PPP2R5A: variants seen among roughly 807,000 people sequenced by gnomAD.
PPP2R5A encodes protein phosphatase 2 regulatory subunit B'alpha, also known as serine/threonine-protein phosphatase 2A 56 kDa regulatory subunit alpha isoform.
Under a neutral mutation model 64.2 loss-of-function variants are expected in PPP2R5A, and 25 were observed. The ratio of observed to expected loss-of-function variants is 0.39; its 90% CI spans 0.28 to 0.54. The LOEUF (loss-of-function observed/expected upper bound fraction) is 0.54, where lower values mean the gene tolerates loss of function less well. PPP2R5A is among the 20% of genes least tolerant of loss of function. PPP2R5A has a pLI of 0.67. For synonymous variants in PPP2R5A, 198 were observed against 201.2 expected (o/e 0.98, Z 0.13); for missense variants, 425 against 576.3 (o/e 0.74, Z 2.69).
At chr1:212,311,298 C>G (rs977291841) in intron 1 of PPP2R5A, among the ~76,000 whole-genome samples, 4 of 152,102 alleles carry the variant, frequency 2.6e-5, no homozygotes, top group African/African-American at 9.7e-5. Context: ...GAAACCCCGT[C>G]TCTACTAAAA....
At position 212,307,799 on chromosome 1, in the gene PPP2R5A, C is replaced by T. The variant is rs190548005; in HGVS notation, c.182-21336C>T. 5.7e-4 allele frequency among the ~76,000 whole-genome samples: 86 copies of T among 152,150 alleles called. 1 individual carries two copies. The South Asian group carries it at 0.012, about 22-fold the overall frequency. On this transcript the variant is annotated intron_variant, in intron 1 of 12. Coordinates refer to ENST00000261461, the MANE Select transcript of PPP2R5A (RefSeq NM_006243.4). ...GTAGAACAGCTAGCAAAAAATTCTT[C>T]GTTTTTATTTATTTGGGAACGTCTT...
In PPP2R5A at chr1:212,286,155, C is replaced by T; in HGVS notation, c.45C>T (p.Ile15=). The part of the protein sequence containing the change: ...SPPAGAASAA[I]SASEKVDGFT... Reference sequence around the variant, plus strand: ...CGGCGGGGGCTGCCAGCGCCGCCATCTCGGCCTCGGAGAAAGTGGACGGCT... The same window carrying T: ...CGGCGGGGGCTGCCAGCGCCGCCATTTCGGCCTCGGAGAAAGTGGACGGCT... The change falls in exon 1 of 13, where the codon ATC becomes ATT. Residue 15 remains isoleucine, a synonymous_variant. Coordinates refer to ENST00000261461, the MANE Select transcript of PPP2R5A (RefSeq NM_006243.4). 6.3e-7 allele frequency: 1 copy of T among 1,589,258 alleles called. No individual in the cohort carries two copies. Among genetic ancestry groups the T allele is most frequent in the South Asian group, 1.1e-5 (1 of 88,274 alleles).
intron 1 of PPP2R5A, among the ~76,000 whole-genome samples, chr1:212,291,686 C>T (rs915623068): frequency 1.4e-4 from 22 of 152,210 alleles, no homozygotes; most frequent in African/African-American, 4.6e-4. Context: ...ACTCTCTTAA[C>T]TTTGCTGCCC....
At chr1:212,352,582 T>C (rs551892012) in intron 8 of PPP2R5A, among the ~76,000 whole-genome samples, 3 of 152,074 alleles carry the variant, frequency 2.0e-5, no homozygotes, top group Non-Finnish European at 2.9e-5. Flanking sequence ...CCCAAGTAGC[T>C]GGGACTACAG....
At chr1:212,329,498 C>G (rs1427477079) in intron 2 of PPP2R5A, among the ~76,000 whole-genome samples, 167 bp downstream of exon 2, 1 of 152,044 alleles carries the variant, frequency 6.6e-6, no homozygotes, top group East Asian at 1.9e-4. Flanking sequence ...ATTGCATATA[C>G]AAGTTTGGGA....
At chr1:212,331,940 A>G (rs140152069) in intron 2 of PPP2R5A, among the ~76,000 whole-genome samples, 91 of 152,330 alleles carry the variant, frequency 6.0e-4, no homozygotes, top group African/African-American at 2.1e-3. Context: ...CATCTTACCA[A>G]TTTAGACTCT....
intron 1 of PPP2R5A, among the ~76,000 whole-genome samples, chr1:212,323,869 C>T (rs192246045): frequency 3.9e-5 from 6 of 152,088 alleles, no homozygotes; most frequent in Middle Eastern, 3.4e-3. Context: ...GTCAGGAGAT[C>T]GAGACCAGCC....
chr1:212,341,929 C>T (rs539302538), intron 3 of PPP2R5A, among the ~76,000 whole-genome samples: 196 of 152,104 alleles, frequency 1.3e-3, no homozygotes, highest in African/African-American at 4.6e-3. Flanking sequence ...GTATAGACAG[C>T]GGTCTCACCA....
At position 212,286,091 on chromosome 1, in the gene PPP2R5A, C is replaced by G; in HGVS notation, c.-20C>G. 3 of 1,535,908 alleles carry G rather than the reference C, an allele frequency of 2.0e-6. No homozygotes were observed. The highest frequency in any genetic ancestry group is 1.2e-5 in the South Asian group (1 of 83,818). Reference sequence around the variant, plus strand: ...CCTTGCAAGCAGCAGCCGGAGCTGCCAAGCGTCAGGGCCGCGGAGATGTCG... The same window carrying G: ...CCTTGCAAGCAGCAGCCGGAGCTGCGAAGCGTCAGGGCCGCGGAGATGTCG... On this transcript the variant is annotated 5_prime_UTR_variant, in exon 1 of 13. Transcript: ENST00000261461.
chr1:212,357,241 A>G lies in PPP2R5A; in HGVS notation c.1183A>G (p.Met395Val), dbSNP rs1172240206. The stretch of plus-strand genomic sequence containing the variant: ...GAACATTGATAAAATTCTGCCAATT[A>G]TGTTTGCCAGTTTGTACAAAATTTC... ...EENIDKILPIMFASLYKISKE... is the reference protein window; with the variant it reads ...EENIDKILPIVFASLYKISKE... Residue 395 changes from methionine (M) to valine (V), a missense_variant, in exon 11 of 13, where the codon ATG becomes GTG. This residue lies in a region of PPP2R5A where 177 missense variants were observed against 244.8 expected (regional missense o/e 0.72). Transcript: ENST00000261461. 1 of 1,596,092 alleles carries G rather than the reference A, an allele frequency of 6.3e-7. No homozygotes were observed. The highest frequency in any genetic ancestry group is 8.5e-7 in the Non-Finnish European group (1 of 1,174,112).
intron 1 of PPP2R5A, chr1:212,308,910 T>C: frequency 2.3e-6 from 1 of 443,324 alleles, no homozygotes; most frequent in Non-Finnish European, 4.0e-6. Context: ...CTCCAGGATT[T>C]TCATTTTATT....
At chr1:212,321,535 C>A (rs1218221590) in intron 1 of PPP2R5A, among the ~76,000 whole-genome samples, 1 of 149,310 alleles carries the variant, frequency 6.7e-6, no homozygotes, top group African/African-American at 2.5e-5. Flanking sequence ...GGCAGAGGGT[C>A]TCCTCACTTC....
chr1:212,318,787 GT>G (rs1659206852), intron 1 of PPP2R5A, among the ~76,000 whole-genome samples: 1 of 152,120 alleles, frequency 6.6e-6, no homozygotes, highest in Admixed American at 6.5e-5. Context: ...TATAACAACT[GT>G]TTACATAGCA....
At chr1:212,291,809 A>G (rs1408878858) in intron 1 of PPP2R5A, among the ~76,000 whole-genome samples, 1 of 152,228 alleles carries the variant, frequency 6.6e-6, no homozygotes, top group African/African-American at 2.4e-5. Context: ...ATTAAAGCCC[A>G]ACTATTATTT....
At chr1:212,324,643 C>T (rs11576769) in intron 1 of PPP2R5A, among the ~76,000 whole-genome samples, 2 of 149,466 alleles carry the variant, frequency 1.3e-5, no homozygotes, top group African/African-American at 4.9e-5. Context: ...CTTGCTCTGT[C>T]CCCCAGGCTG....
chr1:212,322,219 GGGGAGA>G (rs371479193), intron 1 of PPP2R5A, among the ~76,000 whole-genome samples: 4,493 of 117,468 alleles, frequency 0.038, 551 homozygotes, highest in African/African-American at 0.19. Flanking sequence ...GGGAGACTGT[GGGGAGA>G]GGGAGAGGGA....
At chr1:212,304,382 CTCT>C (rs1658856983) in intron 1 of PPP2R5A, among the ~76,000 whole-genome samples, 1 of 152,080 alleles carries the variant, frequency 6.6e-6, no homozygotes, top group Non-Finnish European at 1.5e-5. Flanking sequence ...GAAACCCCGT[CTCT>C]TCTTAAAATA....
intron 8 of PPP2R5A, among the ~76,000 whole-genome samples, chr1:212,354,334 ACCAGTGCACCCCAG>A (rs1448609904): frequency 1.3e-5 from 2 of 151,408 alleles, no homozygotes; most frequent in African/African-American, 2.4e-5. Flanking sequence ...CTGTGATCAC[ACCAGTGCACCCCAG>A]CCTGGCCGAC....
chr1:212,288,121 A>G (rs1344501096), intron 1 of PPP2R5A, among the ~76,000 whole-genome samples: 7 of 152,120 alleles, frequency 4.6e-5, no homozygotes, highest in African/African-American at 7.2e-5. Flanking sequence ...GGTTCAAACA[A>G]TTCTTCTGCC....
Sources: allele counts gnomAD v4.1 joint callset (sites outside exome capture counted in the v4.1 genomes callset), GRCh38; gene constraint gnomAD v4.1.1; regional missense constraint gnomAD v4.1.1; transcripts MANE v1.5; gene names NCBI Gene and HGNC (gene_info 2026-07-23, HGNC 2026-07-21).